Variants in CHSY3 observed in about 807,000 individuals in gnomAD.
CHSY3 encodes the protein chondroitin sulfate synthase 3.
CHSY3 carries 35 observed loss-of-function variants against 67.2 expected under a neutral mutation model. That is an observed-to-expected ratio of 0.52 (90% CI 0.40 to 0.69). CHSY3 has a LOEUF of 0.69. CHSY3 is among the 30% of genes least tolerant of loss of function. The probability of loss-of-function intolerance (pLI) is 0.00; values close to 1 mark genes in which losing one functional copy is unlikely to be tolerated. For missense variants in CHSY3, 1,069 were observed against 1,138.5 expected (o/e 0.94, Z 0.88); for synonymous variants, 474 against 434.7 (o/e 1.09, Z -1.12).
chr5:130,049,751 TC>T (rs1183849668), intron 2 of CHSY3, among the ~76,000 whole-genome samples: 1 of 141,988 alleles, frequency 7.0e-6, no homozygotes, highest in African/African-American at 2.6e-5. Flanking sequence ...TATAAAACGT[TC>T]CCTATATATC....
intron 2 of CHSY3, among the ~76,000 whole-genome samples, chr5:129,922,661 T>A (rs974200941): frequency 2.6e-5 from 4 of 152,214 alleles, no homozygotes; most frequent in Non-Finnish European, 5.9e-5. Flanking sequence ...TCAGGTCTTT[T>A]GCCCATTTCT....
intron 2 of CHSY3, among the ~76,000 whole-genome samples, chr5:130,131,784 T>A (rs889110698): frequency 6.6e-6 from 1 of 152,126 alleles, no homozygotes; most frequent in East Asian, 1.9e-4. Flanking sequence ...TTCATAATAA[T>A]AAGGATGTTG....
chr5:129,943,128 T>G (rs1761747459), intron 2 of CHSY3, among the ~76,000 whole-genome samples: 1 of 152,190 alleles, frequency 6.6e-6, no homozygotes, highest in South Asian at 2.1e-4. Context: ...TGTCCATTTT[T>G]TCTTTCATTT....
At chr5:129,936,334 T>G (rs1761489164) in intron 2 of CHSY3, among the ~76,000 whole-genome samples, 1 of 152,296 alleles carries the variant, frequency 6.6e-6, no homozygotes, top group East Asian at 1.9e-4. Context: ...AAAAAGGATC[T>G]TGTGCAATTC....
chr5:130,032,894 A>G (rs1178941215), intron 2 of CHSY3, among the ~76,000 whole-genome samples: 1 of 152,160 alleles, frequency 6.6e-6, no homozygotes, highest in Non-Finnish European at 1.5e-5. Flanking sequence ...AGCCACGTAG[A>G]CCAGACAGTG....
intron 2 of CHSY3, among the ~76,000 whole-genome samples, chr5:130,136,952 A>C (rs1768684180): frequency 6.6e-6 from 1 of 152,124 alleles, no homozygotes; most frequent in South Asian, 2.1e-4. Flanking sequence ...AAAAGGCCTC[A>C]TGTGCCTTCA....
At chr5:130,038,531 T>TAG (rs1252313212) in intron 2 of CHSY3, among the ~76,000 whole-genome samples, 1 of 152,050 alleles carries the variant, frequency 6.6e-6, no homozygotes, top group Non-Finnish European at 1.5e-5. Context: ...TTTGCATGTG[T>TAG]AGATTCCTAC....
chr5:129,992,214 C>A lies in CHSY3; in HGVS notation c.1086+83854C>A, dbSNP rs1401393874. Among the ~76,000 whole-genome samples the A allele has an allele frequency of 1.3e-5, 2 of 152,232 alleles. 1 individual carries two copies. Among genetic ancestry groups the A allele is most frequent in the South Asian group, 4.1e-4 (2 of 4,826 alleles). ...CTATACACTTTTGCTAAGGCACACA[C>A]TTTCTTCACCTTTCAGTCACAACAA... On this transcript the variant is annotated intron_variant, in intron 2 of 2. Coordinates refer to ENST00000305031, the MANE Select transcript of CHSY3 (RefSeq NM_175856.5).
At chr5:130,026,474 T>C (rs751820767) in intron 2 of CHSY3, among the ~76,000 whole-genome samples, 30 of 151,524 alleles carry the variant, frequency 2.0e-4, no homozygotes, top group Non-Finnish European at 4.1e-4. Context: ...TTGTTTCACA[T>C]CAGCAAAAAA....
chr5:130,118,461 T>C (rs1047066154), intron 2 of CHSY3, among the ~76,000 whole-genome samples: 1 of 150,996 alleles, frequency 6.6e-6, no homozygotes, highest in Non-Finnish European at 1.5e-5. Context: ...CACACACACA[T>C]ATACACATAC....
Position 130,169,347 on chromosome 5 carries a change from C to T in CHSY3, c.1087-14882C>T, listed in dbSNP as rs141501775. ...ATAGACCAAATGACATAAGAAACTC[C>T]GTAAAAAACAATTAACACTGAACAC... On this transcript the variant is annotated intron_variant, in intron 2 of 2. Coordinates refer to ENST00000305031, the MANE Select transcript of CHSY3 (RefSeq NM_175856.5). 1.5e-3 allele frequency among the ~76,000 whole-genome samples: 221 copies of T among 152,064 alleles called. 3 individuals are homozygous for T. Among genetic ancestry groups the T allele is most frequent in the African/African-American group, 5.0e-3 (208 of 41,516 alleles).
At chr5:129,996,024 A>G (rs1763528924) in intron 2 of CHSY3, among the ~76,000 whole-genome samples, 1 of 152,054 alleles carries the variant, frequency 6.6e-6, no homozygotes, top group South Asian at 2.1e-4. Flanking sequence ...AAAAGATATT[A>G]TTTCAAAGCC....
chr5:130,095,872 C>G (rs1767026811), intron 2 of CHSY3, among the ~76,000 whole-genome samples: 1 of 152,230 alleles, frequency 6.6e-6, no homozygotes. Context: ...TACGTATAGT[C>G]ATAATGAACC....
At chr5:130,123,076 GA>G (rs33932765) in intron 2 of CHSY3, among the ~76,000 whole-genome samples, 89,307 of 147,410 alleles carry the variant, frequency 0.61, 27,766 homozygotes, top group African/African-American at 0.79. Flanking sequence ...TAAGGTGCAA[GA>G]AAAAAAAAAA....
chr5:130,158,212 G>A (rs745629135), intron 2 of CHSY3, among the ~76,000 whole-genome samples: 1 of 152,146 alleles, frequency 6.6e-6, no homozygotes, highest in Non-Finnish European at 1.5e-5. Context: ...GCAGGTCTCA[G>A]CCTTATTTTA....
chr5:129,905,813 G>T, intron 1 of CHSY3, 182 bp downstream of exon 1: 1 of 1,302,786 alleles, frequency 7.7e-7, no homozygotes, highest in Non-Finnish European at 1.0e-6. Flanking sequence ...CCCGTTCCTC[G>T]TCTTCTGCAA....
At chr5:129,914,467 C>A (rs32226) in intron 2 of CHSY3, among the ~76,000 whole-genome samples, 73,826 of 152,014 alleles carry the variant, frequency 0.49, 18,584 homozygotes, top group Middle Eastern at 0.6. Flanking sequence ...TGTTTATGCC[C>A]CCAAAGTATA....
intron 2 of CHSY3, among the ~76,000 whole-genome samples, chr5:129,959,576 A>G (rs949097523): frequency 6.6e-6 from 1 of 152,168 alleles, no homozygotes. Context: ...AGGAATAACA[A>G]TAAACATATA....
chr5:129,914,607 A>T (rs1760678816), intron 2 of CHSY3, among the ~76,000 whole-genome samples: 1 of 151,926 alleles, frequency 6.6e-6, no homozygotes, highest in Admixed American at 6.6e-5. Flanking sequence ...TCTCACACCT[A>T]CTCTTCCCAC....
Sources: gnomAD v4.1 joint callset for allele counts (sites outside exome capture counted in the v4.1 genomes callset) on GRCh38, gnomAD v4.1.1 for gene constraint, MANE v1.5 for transcripts, NCBI Gene and HGNC (gene_info 2026-07-23, HGNC 2026-07-21) for gene names.